The following ITGB5 variants were observed in gnomAD, a reference collection of about 807,000 sequenced individuals.
The protein encoded by ITGB5 is integrin subunit beta 5.
In ITGB5, 38 loss-of-function variants were observed where a neutral mutation model predicts 84.8. The observed-to-expected ratio is 0.45, with a 90% confidence interval of 0.35 to 0.59. ITGB5 has a LOEUF of 0.59. ITGB5 is among the 20% of genes least tolerant of loss of function. The pLI is 0.01. For synonymous variants in ITGB5, 393 were observed against 414.4 expected, an observed-to-expected ratio of 0.95 and a Z score of 0.63; for missense variants, 905 against 1,034.5, an observed-to-expected ratio of 0.87 and a Z score of 1.72.
intron 7 of ITGB5, among the ~76,000 whole-genome samples, chr3:124,819,271 T>C (rs2064660073): frequency 6.6e-6 from 1 of 152,230 alleles, no homozygotes; most frequent in Non-Finnish European, 1.5e-5. Context: ...GACTGCTGTA[T>C]TCACTCAGGA....
At chr3:124,896,558 G>A (rs989810568) in intron 1 of ITGB5, among the ~76,000 whole-genome samples, 1 of 151,926 alleles carries the variant, frequency 6.6e-6, no homozygotes, top group Non-Finnish European at 1.5e-5. Context: ...AAACAGACCA[G>A]CATGGGCAAT....
intron 8 of ITGB5, among the ~76,000 whole-genome samples, chr3:124,812,390 G>A (rs2064518512): frequency 6.6e-6 from 1 of 152,208 alleles, no homozygotes; most frequent in Non-Finnish European, 1.5e-5. Context: ...AGTCGGGCCA[G>A]CTGTGGAGTG....
chr3:124,797,257 G>A (rs1362923405), intron 9 of ITGB5, among the ~76,000 whole-genome samples: 1 of 152,144 alleles, frequency 6.6e-6, no homozygotes, highest in Non-Finnish European at 1.5e-5. Context: ...CTGCCTCTGT[G>A]CCAGGCACAA....
At chr3:124,861,564 ATT>A (rs34687815) in intron 2 of ITGB5, among the ~76,000 whole-genome samples, 2,961 of 129,378 alleles carry the variant, frequency 0.023, 132 homozygotes, top group African/African-American at 0.078. Flanking sequence ...CTGGCCTTAG[ATT>A]TTTTTTTTTT....
intron 8 of ITGB5, among the ~76,000 whole-genome samples, chr3:124,812,314 G>A (rs1415386043): frequency 1.3e-5 from 2 of 152,208 alleles, no homozygotes; most frequent in Admixed American, 6.5e-5. Flanking sequence ...GATGATGTTG[G>A]GAATGTCAGA....
intron 12 of ITGB5, among the ~76,000 whole-genome samples, chr3:124,768,065 C>T (rs766490577): frequency 6.6e-6 from 1 of 151,934 alleles, no homozygotes; most frequent in South Asian, 2.1e-4. Context: ...GACCCTGTCT[C>T]GAGACAAAAA....
chr3:124,859,100 G>A (rs2065259514), intron 3 of ITGB5, 142 bp downstream of exon 3: 1 of 719,132 alleles, frequency 1.4e-6, no homozygotes, highest in Non-Finnish European at 2.4e-6. Context: ...GCTTCCTGAG[G>A]TCTGAGCCTT....
chr3:124,798,702 A>C (rs2064271179), intron 9 of ITGB5, among the ~76,000 whole-genome samples: 1 of 152,232 alleles, frequency 6.6e-6, no homozygotes, highest in African/African-American at 2.4e-5. Context: ...TTGGGATTAC[A>C]GGCGTGAGCC....
chr3:124,800,371 T>C (rs756710740), intron 9 of ITGB5, among the ~76,000 whole-genome samples: 39 of 152,162 alleles, frequency 2.6e-4, no homozygotes, highest in Non-Finnish European at 3.4e-4. Flanking sequence ...GCAATGAAAG[T>C]GAGAGTTAAG....
chr3:124,852,146 G>A (rs2065166219), intron 3 of ITGB5, among the ~76,000 whole-genome samples: 1 of 152,118 alleles, frequency 6.6e-6, no homozygotes, highest in Non-Finnish European at 1.5e-5. Context: ...CTGCCCGGCA[G>A]AGTGGGAAGC....
intron 3 of ITGB5, among the ~76,000 whole-genome samples, chr3:124,849,983 T>A (rs953268769): frequency 3.3e-5 from 5 of 152,122 alleles, no homozygotes; most frequent in Non-Finnish European, 7.3e-5. Context: ...GAAATTTGGA[T>A]AGATTCTTTG....
In ITGB5 at chr3:124,873,517, T is replaced by A; in HGVS notation, c.85A>T (p.Thr29Ser). 1 of 1,613,352 alleles carries A rather than the reference T, an allele frequency of 6.2e-7. No individual in the cohort carries two copies. The highest frequency in any genetic ancestry group is 8.5e-7 in the Non-Finnish European group (1 of 1,179,350). ...TCACATGAGGTGGCACTTCCACTAG[T>A]GCATATGTTGAGACCTTTAAAGCAA... ...LPRLAGLNICTSGSATSCEEC... is the reference protein window; with the variant it reads ...LPRLAGLNICSSGSATSCEEC... Residue 29 changes from threonine (T) to serine (S), a missense_variant, in exon 2 of 15, where the codon ACT (threonine) becomes TCT (serine). Around this residue, in one of 3 missense-constraint regions of ITGB5, gnomAD observed 656 missense variants for 734.7 expected, o/e 0.89. Transcript: ENST00000296181.
At chr3:124,779,381 G>C (rs532118377) in intron 10 of ITGB5, among the ~76,000 whole-genome samples, 2 of 152,126 alleles carry the variant, frequency 1.3e-5, no homozygotes, top group Non-Finnish European at 2.9e-5. Flanking sequence ...GGCGAGAAAC[G>C]TGTGACCTGG....
intron 1 of ITGB5, among the ~76,000 whole-genome samples, chr3:124,900,882 C>T (rs1269024753): frequency 6.6e-6 from 1 of 152,080 alleles, no homozygotes; most frequent in Non-Finnish European, 1.5e-5. Flanking sequence ...AAACTTTATG[C>T]ACCATTAATA....
In ITGB5 at chr3:124,766,209, T is replaced by C. The variant is rs764645103; in HGVS notation, c.2137+17A>G. 2.5e-6 allele frequency: 4 copies of C among 1,611,756 alleles called. No individual in the cohort carries two copies. The South Asian group carries it at 4.4e-5, about 18-fold the overall frequency. On this transcript the variant is annotated intron_variant, in intron 13 of 14. Transcript: ENST00000296181. ...AGGGCTGGCTGAGTGGGCCGAGCCC[T>C]TGCAGCCCTCACCTACCTGGCTCCC... is the stretch of plus-strand genomic sequence containing the variant.
In ITGB5 at chr3:124,886,932, T is replaced by A; in HGVS notation, c.69A>T (p.Ala23=). The A allele has an allele frequency of 1.7e-6, 2 of 1,209,836 alleles. No homozygotes were observed. The highest frequency in any genetic ancestry group is 3.3e-5 in the East Asian group (1 of 30,044). 74.9% of individuals were successfully genotyped at this position (1,209,836 alleles called of 1,614,324 possible). A position where few individuals can be genotyped will look rare whatever the true frequency, so the allele number is the denominator to read the frequency against. Residue 23 remains alanine (A), a splice_region_variant and synonymous_variant, in exon 1 of 15, where the codon GCA becomes GCT. Transcript: ENST00000296181. ...LGLCALLPRL[A]GLNICTSGSA... is the part of the protein sequence containing the mutation. ...GGCGCCGTGGGCGGCGCGGCTTACCTGCGAGCCGGGGCAGGAGCGCGCAGA... is the reference window on the plus strand; with the variant it reads ...GGCGCCGTGGGCGGCGCGGCTTACCAGCGAGCCGGGGCAGGAGCGCGCAGA...
intron 13 of ITGB5, among the ~76,000 whole-genome samples, 181 bp from the exon 14 acceptor site, chr3:124,764,738 T>G (rs1055423046): frequency 3.9e-5 from 6 of 152,244 alleles, no homozygotes; most frequent in Non-Finnish European, 7.3e-5. Flanking sequence ...AAAGGGACAG[T>G]GACTGTTCTA....
chr3:124,774,745 C>T (rs889570026), intron 10 of ITGB5, among the ~76,000 whole-genome samples: 4 of 151,984 alleles, frequency 2.6e-5, no homozygotes, highest in African/African-American at 7.2e-5. Context: ...CCCAGGGACC[C>T]GAAACCCAGA....
At chr3:124,878,638 G>A (rs567821684) in intron 1 of ITGB5, 2 of 152,106 alleles carry the variant, frequency 1.3e-5, no homozygotes, top group Non-Finnish European at 2.9e-5. Context: ...AGTGTGCCGG[G>A]TACCAGGTAC....
Sources: gnomAD v4.1 joint callset for allele counts (sites outside exome capture counted in the v4.1 genomes callset) on GRCh38, gnomAD v4.1.1 for gene constraint, gnomAD v4.1.1 regional missense constraint, MANE v1.5 for transcripts, NCBI Gene and HGNC (gene_info 2026-07-23, HGNC 2026-07-21) for gene names.